The following LGSN variants were observed in gnomAD, a reference collection of about 807,000 sequenced individuals.
LGSN encodes the protein lengsin, lens protein with glutamine synthetase domain.
In LGSN, 21 loss-of-function variants were observed where a neutral mutation model predicts 19.5. The observed-to-expected ratio is 1.07, with a 90% CI of 0.76 to 1.55. LGSN has a LOEUF of 1.55. LGSN is among the 40% of genes most tolerant of loss of function. The pLI is 0.00. For synonymous variants in LGSN, 257 were observed against 215.6 expected (o/e 1.19, Z -1.68); for missense variants, 673 against 608.5 (o/e 1.11, Z -1.12).
the LGSN span, among the ~76,000 whole-genome samples, chr6:63,466,254 TTTTTA>T: frequency 8.5e-5 from 13 of 152,172 alleles, no homozygotes; most frequent in Non-Finnish European, 1.8e-4. Context: ...AGAGTTTTTA[TTTTTA>T]TTTTTACTTT....
chr6:63,335,817 G>C, the LGSN span, among the ~76,000 whole-genome samples: 1 of 151,996 alleles, frequency 6.6e-6, no homozygotes, highest in African/African-American at 2.4e-5. Context: ...CCCACTATTG[G>C]GTATTTATTC....
rs1334001713 is a variant in LGSN at position 63,277,045 on chromosome 6, A to AATCTATGGC, written c.*2967_*2975dup. Reference sequence around the variant, plus strand: ...CAACTTACGTTATCAACTGATTTGTAATCTATGGCTGAATATTTTCTTTGA... The same window carrying AATCTATGGC: ...CAACTTACGTTATCAACTGATTTGTAATCTATGGCATCTATGGCTGAATATTTTCTTTGA... On this transcript the variant is annotated 3_prime_UTR_variant, in exon 4 of 4. Coordinates refer to ENST00000370657, the MANE Select transcript of LGSN (RefSeq NM_016571.3). 4 of 152,230 alleles carry AATCTATGGC rather than the reference A, an allele frequency of 2.6e-5. No homozygotes were observed. Among genetic ancestry groups the AATCTATGGC allele is most frequent in the Non-Finnish European group, 4.4e-5 (3 of 68,046 alleles). 9.4% of individuals were successfully genotyped at this position (152,230 alleles called of 1,614,324 possible).
chr6:63,322,745 A>C (rs1769113981), upstream of LGSN, among the ~76,000 whole-genome samples: 2 of 152,210 alleles, frequency 1.3e-5, no homozygotes, highest in South Asian at 4.1e-4. Context: ...ATTTTCTAAG[A>C]AAATGGTAGA....
chr6:63,316,544 A>G lies in LGSN; in HGVS notation c.30+3370T>C, dbSNP rs539599370. Reference sequence around the variant, plus strand: ...CTAAATAATAAAGAACACTAAAATAATAAAGGAAGCAAAAAGTTTTGTTTT... The same window carrying G: ...CTAAATAATAAAGAACACTAAAATAGTAAAGGAAGCAAAAAGTTTTGTTTT... On this transcript the variant is annotated intron_variant, in intron 1 of 3. Coordinates refer to ENST00000370657, the MANE Select transcript of LGSN (RefSeq NM_016571.3). 2.6e-5 allele frequency among the ~76,000 whole-genome samples: 4 copies of G among 152,274 alleles called. No homozygotes were observed. In the East Asian group the frequency reaches 5.8e-4, roughly 22 times the overall value.
the LGSN span, among the ~76,000 whole-genome samples, chr6:63,519,981 A>G: frequency 6.6e-6 from 1 of 152,258 alleles, no homozygotes. Flanking sequence ...GTAACTGTAT[A>G]AACCTGTAGA....
chr6:63,352,598 C>A, the LGSN span, among the ~76,000 whole-genome samples: 1 of 151,734 alleles, frequency 6.6e-6, no homozygotes, highest in Non-Finnish European at 1.5e-5. Context: ...GACATCAAGG[C>A]TTCACTGAGC....
At chr6:63,538,211 A>G in the LGSN span, among the ~76,000 whole-genome samples, 2 of 152,230 alleles carry the variant, frequency 1.3e-5, no homozygotes, top group African/African-American at 2.4e-5. Flanking sequence ...AGGTTGTTCA[A>G]AAGGAAATGT....
chr6:63,563,221 T>C, the LGSN span, among the ~76,000 whole-genome samples: 1 of 152,230 alleles, frequency 6.6e-6, no homozygotes, highest in Admixed American at 6.5e-5. Context: ...AATTTCCTGA[T>C]ATGTGGTGTG....
At chr6:63,456,369 A>G in the LGSN span, among the ~76,000 whole-genome samples, 1 of 40,066 alleles carries the variant, frequency 2.5e-5, no homozygotes, top group African/African-American at 5.7e-5. Flanking sequence ...ATATATATAT[A>G]TATATATATA....
chr6:63,390,851 C>T, the LGSN span, among the ~76,000 whole-genome samples: 1 of 137,004 alleles, frequency 7.3e-6, no homozygotes, highest in Non-Finnish European at 1.5e-5. Flanking sequence ...CAGAGCAAGA[C>T]TCCATCTCAA....
the LGSN span, among the ~76,000 whole-genome samples, chr6:63,347,722 C>T: frequency 1.1e-4 from 17 of 152,270 alleles, no homozygotes; most frequent in East Asian, 5.8e-4. Context: ...AAAATTACCA[C>T]GTAAATATCT....
the LGSN span, among the ~76,000 whole-genome samples, chr6:63,540,686 T>C: frequency 2.0e-5 from 3 of 151,886 alleles, no homozygotes; most frequent in African/African-American, 4.8e-5. Flanking sequence ...TCTATCACAA[T>C]ACCATTTATG....
chr6:63,417,811 T>C, the LGSN span, among the ~76,000 whole-genome samples: 1 of 152,180 alleles, frequency 6.6e-6, no homozygotes, highest in African/African-American at 2.4e-5. Context: ...CATGTATAGA[T>C]ACAGTGACAG....
At chr6:63,505,565 A>AAGAG in the LGSN span, among the ~76,000 whole-genome samples, 1 of 58,674 alleles carries the variant, frequency 1.7e-5, no homozygotes, top group African/African-American at 8.8e-5. Context: ...AAAAAAAAAA[A>AAGAG]AAAGAAAGAA....
chr6:63,390,476 C>T, the LGSN span, among the ~76,000 whole-genome samples: 2 of 151,876 alleles, frequency 1.3e-5, no homozygotes, highest in African/African-American at 4.8e-5. Flanking sequence ...AATGCATGAC[C>T]TATTGCCAAA....
chr6:63,534,106 G>A, the LGSN span, among the ~76,000 whole-genome samples: 1 of 152,070 alleles, frequency 6.6e-6, no homozygotes, highest in Non-Finnish European at 1.5e-5. Context: ...ACCTATCAAA[G>A]TACTGGGATT....
At chr6:63,530,395 G>T in the LGSN span, among the ~76,000 whole-genome samples, 2 of 152,152 alleles carry the variant, frequency 1.3e-5, no homozygotes, top group African/African-American at 4.8e-5. Context: ...GGAGTGGTTT[G>T]CCCTGCCTTT....
chr6:63,417,895 A>G, the LGSN span, among the ~76,000 whole-genome samples: 1 of 152,234 alleles, frequency 6.6e-6, no homozygotes, highest in Admixed American at 6.5e-5. Context: ...TAAGATTGAG[A>G]GAAGAATAAA....
At chr6:63,407,968 A>G in the LGSN span, among the ~76,000 whole-genome samples, 1 of 152,210 alleles carries the variant, frequency 6.6e-6, no homozygotes, top group Admixed American at 6.5e-5. Flanking sequence ...AATCCAACTT[A>G]CAAGGGATGT....
Sources: allele counts gnomAD v4.1 joint callset (sites outside exome capture counted in the v4.1 genomes callset), GRCh38; gene constraint gnomAD v4.1.1; transcripts MANE v1.5; gene names NCBI Gene and HGNC (gene_info 2026-07-23, HGNC 2026-07-21).